The following ADPRHL1 variants were observed in gnomAD, a reference collection of about 807,000 sequenced individuals.
ADPRHL1 encodes inactive ADP-ribosyltransferase ARH2.
ADPRHL1 carries 43 observed loss-of-function variants against 44.1 expected under a neutral mutation model. That is an observed-to-expected ratio of 0.98 (90% CI 0.76 to 1.26). The LOEUF (loss-of-function observed/expected upper bound fraction) is 1.26. Ranked by LOEUF, ADPRHL1 falls within the 50% of genes most tolerant of loss-of-function variation. The pLI, the probability that ADPRHL1 is intolerant of heterozygous loss-of-function variation, is 0.00. For missense variants in ADPRHL1, 2,022 were observed against 2,496.9 expected, an observed-to-expected ratio of 0.81 and a Z score of 4.05; for synonymous variants, 878 against 1,017.4, an observed-to-expected ratio of 0.86 and a Z score of 2.61.
At position 113,406,043 on chromosome 13, in the gene ADPRHL1, G is replaced by A; in HGVS notation, c.3239C>T (p.Pro1080Leu). ...RRPLLIESSQ[P>L]LKAAEEITSH... Reference sequence around the variant, plus strand: ...GGTGATTTCCTCGGCAGCCTTCAGGGGCTGAGAAGACTCTATTAGCAGCGG... The same window carrying A: ...GGTGATTTCCTCGGCAGCCTTCAGGAGCTGAGAAGACTCTATTAGCAGCGG... Residue 1080 changes from proline (P) to leucine (L), a missense_variant, in exon 8 of 8, where the codon CCC (proline) becomes CTC (leucine). Pro to Leu is a moderately conservative substitution (Grantham distance 98). This residue lies in a region of ADPRHL1 where 1,221 missense variants were observed against 1,517.8 expected (regional missense o/e 0.80). Coordinates refer to ENST00000612156, the MANE Select transcript of ADPRHL1 (RefSeq NM_001394807.1). 1.6e-6 allele frequency: 2 copies of A among 1,232,154 alleles called. No homozygotes were observed. Among genetic ancestry groups the A allele is most frequent in the East Asian group, 3.2e-5 (1 of 31,708 alleles). The allele number at this position is 1,232,154 out of a possible 1,614,324, so 76.3% of individuals were successfully genotyped here. A position where few individuals can be genotyped will look rare whatever the true frequency, so the allele number is the denominator to read the frequency against.
intron 7 of ADPRHL1, among the ~76,000 whole-genome samples, chr13:113,414,825 G>A (rs562606038): frequency 9.7e-4 from 147 of 152,008 alleles, no homozygotes; most frequent in Admixed American, 2.4e-3. Context: ...ACAGGGGCCC[G>A]CCACCACGCC....
intron 2 of ADPRHL1, among the ~76,000 whole-genome samples, chr13:113,440,860 G>A (rs1179518021): frequency 6.6e-6 from 1 of 152,090 alleles, no homozygotes; most frequent in Non-Finnish European, 1.5e-5. Context: ...CTTGTTTTTA[G>A]TGTATTCCTT....
chr13:113,448,262 G>C (rs1301083428), intron 1 of ADPRHL1, among the ~76,000 whole-genome samples: 1 of 151,792 alleles, frequency 6.6e-6, no homozygotes, highest in South Asian at 2.1e-4. Flanking sequence ...TGGGAGGCTG[G>C]GATGGGCAGA....
intron 7 of ADPRHL1, 50 bp downstream of exon 7, chr13:113,422,772 GGGCC>G: frequency 1.9e-6 from 3 of 1,605,504 alleles, no homozygotes; most frequent in Non-Finnish European, 2.5e-6. Flanking sequence ...AGGGCCCTAC[GGGCC>G]CCGGGGTGGA....
At chr13:113,446,379 A>T (rs1017904580) in intron 1 of ADPRHL1, among the ~76,000 whole-genome samples, 3 of 152,140 alleles carry the variant, frequency 2.0e-5, no homozygotes, top group African/African-American at 7.2e-5. Context: ...AGTGCTCAGG[A>T]CAAGGACTGT....
At position 113,406,532 on chromosome 13, in the gene ADPRHL1, G is replaced by A. The variant is rs1425480410; in HGVS notation, c.2750C>T (p.Pro917Leu). ...GMQAGLSASS[P>L]QGPRAAPRLA... is the part of the protein sequence containing the mutation. ...ACGCGGAGCTGCCCGTGGCCCCTGC[G>A]GCGAAGAGGCGCTGAGTCCCGCCTG... The change falls in exon 8 of 8, where the codon CCG (proline) becomes CTG (leucine). Residue 917 changes from proline (P) to leucine (L), a missense_variant. Physicochemically the swap from Pro to Leu is moderately conservative, Grantham distance 98. Coordinates refer to ENST00000612156, the MANE Select transcript of ADPRHL1 (RefSeq NM_001394807.1). The A allele has an allele frequency of 5.7e-6, 7 of 1,232,024 alleles. No individual in the cohort carries two copies. Among genetic ancestry groups the A allele is most frequent in the Middle Eastern group, 3.1e-4 (1 of 3,208 alleles). 76.3% of individuals were successfully genotyped at this position (1,232,024 alleles called of 1,614,324 possible). A position where few individuals can be genotyped will look rare whatever the true frequency, so the allele number is the denominator to read the frequency against.
chr13:113,422,752 G>T, intron 7 of ADPRHL1, 74 bp downstream of exon 7: 1 of 1,578,198 alleles, frequency 6.3e-7, no homozygotes, highest in South Asian at 1.2e-5. Flanking sequence ...CCTCACCCAG[G>T]GGCTGCGAGA....
Position 113,400,848 on chromosome 13 carries a change from G to A in ADPRHL1, c.*2530C>T, listed in dbSNP as rs896321644. On this transcript the variant is annotated 3_prime_UTR_variant, in exon 8 of 8. Coordinates refer to ENST00000612156, the MANE Select transcript of ADPRHL1 (RefSeq NM_001394807.1). ...ACTCTGCGCCCGCCAGACTGTGAGA[G>A]GGGTTCAGGCACGACACTTCCGGAG... is the stretch of plus-strand genomic sequence containing the variant. 6.6e-6 allele frequency: 1 copy of A among 152,224 alleles called. No homozygotes were observed. Among genetic ancestry groups the A allele is most frequent in the Non-Finnish European group, 1.5e-5 (1 of 68,056 alleles). The allele number at this position is 152,224 out of a possible 1,614,324, so 9.4% of individuals were successfully genotyped here. A position where few individuals can be genotyped will look rare whatever the true frequency, so the allele number is the denominator to read the frequency against.
chr13:113,431,353 AG>A (rs761147686), intron 3 of ADPRHL1, among the ~76,000 whole-genome samples: 41 of 152,236 alleles, frequency 2.7e-4, no homozygotes, highest in Non-Finnish European at 4.7e-4. Context: ...CAGGCTGCAG[AG>A]ACGCTTTCCA....
intron 1 of ADPRHL1, among the ~76,000 whole-genome samples, chr13:113,450,618 T>C (rs145208818): frequency 0.017 from 2,609 of 152,308 alleles, 54 homozygotes; most frequent in Admixed American, 0.053. Flanking sequence ...GTGGGTCACG[T>C]GTCCACTGGA....
intron 1 of ADPRHL1, among the ~76,000 whole-genome samples, chr13:113,451,800 T>C (rs1210536512): frequency 6.7e-6 from 1 of 148,592 alleles, no homozygotes; most frequent in Non-Finnish European, 1.5e-5. Flanking sequence ...GGAGAAAGAC[T>C]CCGTCTCAAA....
intron 5 of ADPRHL1, among the ~76,000 whole-genome samples, chr13:113,424,802 A>G (rs1053325349): frequency 1.2e-3 from 14 of 11,952 alleles, no homozygotes; most frequent in Non-Finnish European, 1.7e-3. Flanking sequence ...ATACCCACCC[A>G]CCCACCCATG....
chr13:113,434,479 C>T lies in ADPRHL1; in HGVS notation c.380-612G>A, dbSNP rs540489288. On this transcript the variant is annotated intron_variant, in intron 2 of 7. Coordinates refer to ENST00000612156, the MANE Select transcript of ADPRHL1 (RefSeq NM_001394807.1). ...TGTACCCTGTGACCCAGCACCCACA[C>T]GTAGAGTGAACATAGGTGTACCCCG... Among the ~76,000 whole-genome samples the T allele has an allele frequency of 7.1e-4, 100 of 141,828 alleles. 1 individual carries two copies. The highest frequency in any genetic ancestry group is 2.4e-3 in the African/African-American group (89 of 36,998). 93.0% of individuals were successfully genotyped at this position (141,828 alleles called of 152,430 possible).
At chr13:113,415,711 A>G (rs1249922886) in intron 7 of ADPRHL1, among the ~76,000 whole-genome samples, 6 of 138,812 alleles carry the variant, frequency 4.3e-5, no homozygotes, top group Non-Finnish European at 9.2e-5. Flanking sequence ...AGATCGTGCC[A>G]CTTCACTCCA....
At chr13:113,412,709 C>T (rs529566293) in intron 7 of ADPRHL1, among the ~76,000 whole-genome samples, 4 of 150,624 alleles carry the variant, frequency 2.7e-5, no homozygotes, top group South Asian at 2.1e-4. Context: ...AACAGTGCCC[C>T]GGAGGCTCAG....
chr13:113,413,359 G>A (rs1419647568), intron 7 of ADPRHL1, among the ~76,000 whole-genome samples: 3 of 152,160 alleles, frequency 2.0e-5, no homozygotes, highest in Non-Finnish European at 2.9e-5. Flanking sequence ...CCACCTCAGG[G>A]AGCCTTTCCC....
At chr13:113,424,131 C>A in intron 6 of ADPRHL1, 86 bp downstream of exon 6, 1 of 1,521,550 alleles carries the variant, frequency 6.6e-7, no homozygotes, top group Non-Finnish European at 8.8e-7. Flanking sequence ...CCCCTGAATG[C>A]CTGCAGTCCT....
At position 113,405,624 on chromosome 13, in the gene ADPRHL1, G is replaced by A. The variant is rs976433947; in HGVS notation, c.3658C>T (p.Arg1220Trp). The change falls in exon 8 of 8, where the codon CGG becomes TGG. Residue 1220 changes from arginine to tryptophan, a missense_variant. Coordinates refer to ENST00000612156, the MANE Select transcript of ADPRHL1 (RefSeq NM_001394807.1). Reference protein sequence around the residue: ...RHPEDAAALARHPEAARLYIS... With the variant: ...RHPEDAAALAWHPEAARLYIS... The stretch of plus-strand genomic sequence containing the variant: ...TATAATCGGGCCGCCTCTGGGTGCC[G>A]GGCGAGGGCCGCAGCATCCTCCGGG... The A allele has an allele frequency of 1.9e-5, 24 of 1,232,698 alleles. No individual in the cohort carries two copies. The highest frequency in any genetic ancestry group is 9.5e-5 in the East Asian group (3 of 31,738). The allele number at this position is 1,232,698 out of a possible 1,614,324, so 76.4% of individuals were successfully genotyped here.
At chr13:113,429,490 G>A (rs924751055) in intron 3 of ADPRHL1, among the ~76,000 whole-genome samples, 4 of 152,252 alleles carry the variant, frequency 2.6e-5, no homozygotes, top group Non-Finnish European at 5.9e-5. Flanking sequence ...GGCTCGCCAC[G>A]GCTTCCCTTC....
Sources: allele counts gnomAD v4.1 joint callset (sites outside exome capture counted in the v4.1 genomes callset), GRCh38; gene constraint gnomAD v4.1.1; regional missense constraint gnomAD v4.1.1; transcripts MANE v1.5; gene names NCBI Gene and HGNC (gene_info 2026-07-23, HGNC 2026-07-21).